The following CLYBL variants were observed in gnomAD, a reference collection of about 807,000 sequenced individuals.
The protein encoded by CLYBL is citramalyl-CoA lyase, mitochondrial.
Under a neutral mutation model 38.9 loss-of-function variants are expected in CLYBL, and 31 were observed. That is an observed-to-expected ratio of 0.80 (90% CI 0.60 to 1.08). The LOEUF is 1.08. CLYBL is among the 50% of genes least tolerant of loss of function. The pLI, the probability that CLYBL is intolerant of heterozygous loss-of-function variation, is 0.00. For missense variants in CLYBL, 434 were observed against 411.6 expected (o/e 1.05, Z -0.47); for synonymous variants, 171 against 158.6 (o/e 1.08, Z -0.59).
intron 2 of CLYBL, among the ~76,000 whole-genome samples, chr13:99,853,239 C>T (rs35492194): frequency 0.013 from 1,970 of 152,018 alleles, 69 homozygotes; most frequent in East Asian, 0.073. Context: ...TCAATTATAT[C>T]TCTGAAGGGC....
intron 1 of CLYBL, among the ~76,000 whole-genome samples, chr13:99,695,672 A>G (rs937991376): frequency 1.3e-5 from 2 of 152,010 alleles, no homozygotes; most frequent in Admixed American, 6.5e-5. Context: ...GGTACGCACC[A>G]CCACACCTGG....
intron 1 of CLYBL, among the ~76,000 whole-genome samples, chr13:99,769,509 G>A (rs1447866284): frequency 6.6e-6 from 1 of 152,214 alleles, no homozygotes; most frequent in Non-Finnish European, 1.5e-5. Context: ...AAATGTATAT[G>A]TTGCAAATTC....
chr13:99,770,538 G>C (rs562134988), intron 1 of CLYBL, among the ~76,000 whole-genome samples: 16 of 152,082 alleles, frequency 1.1e-4, no homozygotes, highest in African/African-American at 3.4e-4. Context: ...AGGATATTCT[G>C]GATCTCCTGA....
At chr13:99,788,877 G>C (rs2049856677) in intron 2 of CLYBL, among the ~76,000 whole-genome samples, 2 of 152,158 alleles carry the variant, frequency 1.3e-5, no homozygotes, top group South Asian at 4.1e-4. Context: ...CTCAATTTCA[G>C]AGCCTGTTAT....
chr13:99,684,762 G>T (rs1180365511), intron 1 of CLYBL, among the ~76,000 whole-genome samples: 1 of 152,136 alleles, frequency 6.6e-6, no homozygotes, highest in African/African-American at 2.4e-5. Context: ...ATGTTCCCAG[G>T]CCCATTTGTT....
At chr13:99,848,175 C>G (rs1038647031) in intron 2 of CLYBL, among the ~76,000 whole-genome samples, 14 of 152,270 alleles carry the variant, frequency 9.2e-5, no homozygotes, top group African/African-American at 2.9e-4. Flanking sequence ...CTCCCCTCCT[C>G]CAACCCCCTT....
chr13:99,741,333 C>T (rs762316628), intron 1 of CLYBL, among the ~76,000 whole-genome samples: 11 of 152,292 alleles, frequency 7.2e-5, no homozygotes, highest in Non-Finnish European at 1.5e-4. Context: ...TCCTCTGTCA[C>T]CCACTTCTTC....
rs540475492 is a variant in CLYBL at position 99,868,953 on chromosome 13, C to T, written c.803-1985C>T. On this transcript the variant is annotated intron_variant, in intron 6 of 8. Transcript: ENST00000339105. ...TTGATTTAAAGCACGATATATCAAG[C>T]GGTACTGTAAAAAGGATTTCATGGT... Among the ~76,000 whole-genome samples, 4 of 152,190 alleles carry T rather than the reference C, an allele frequency of 2.6e-5. No homozygotes were observed. The South Asian group carries it at 8.3e-4, about 32-fold the overall frequency.
intron 2 of CLYBL, among the ~76,000 whole-genome samples, chr13:99,814,042 C>G (rs1354940156): frequency 1.3e-5 from 2 of 152,202 alleles, no homozygotes; most frequent in African/African-American, 4.8e-5. Flanking sequence ...CAGCCTTACT[C>G]TGAGGGCTCT....
intron 2 of CLYBL, among the ~76,000 whole-genome samples, chr13:99,808,575 ATGAC>A (rs2050278059): frequency 1.3e-5 from 2 of 152,236 alleles, no homozygotes; most frequent in African/African-American, 4.8e-5. Flanking sequence ...GGACAAGAAA[ATGAC>A]TGTATTAAAT....
intron 1 of CLYBL, among the ~76,000 whole-genome samples, chr13:99,699,628 G>A (rs1229674972): frequency 6.6e-6 from 1 of 151,934 alleles, no homozygotes; most frequent in Non-Finnish European, 1.5e-5. Context: ...GGGAGGCGGA[G>A]GTTGCAGTGA....
chr13:99,778,709 A>G (rs1236851669), intron 2 of CLYBL, among the ~76,000 whole-genome samples: 2 of 152,162 alleles, frequency 1.3e-5, no homozygotes, highest in Admixed American at 6.6e-5. Flanking sequence ...TGTTAAATGC[A>G]TGAGGAGGTG....
At position 99,847,715 on chromosome 13, in the gene CLYBL, C is replaced by T. The variant is rs149056864; in HGVS notation, c.250-11146C>T. On this transcript the variant is annotated intron_variant, in intron 2 of 8. Transcript: ENST00000339105. Reference sequence around the variant, plus strand: ...GACAACATTGAGTAGCTTTGGGGCTCTGGACCCTCCTTCGAAGGAAGGAAC... The same window carrying T: ...GACAACATTGAGTAGCTTTGGGGCTTTGGACCCTCCTTCGAAGGAAGGAAC... 1.2e-3 allele frequency among the ~76,000 whole-genome samples: 182 copies of T among 152,356 alleles called. 1 individual carries two copies. Among genetic ancestry groups the T allele is most frequent in the African/African-American group, 3.7e-3 (152 of 41,588 alleles).
At chr13:99,897,266 G>A (rs1056987376), downstream of CLYBL, 1 of 152,224 alleles carries the variant, frequency 6.6e-6, no homozygotes, top group Non-Finnish European at 1.5e-5. Flanking sequence ...AGTGAGGCCA[G>A]GCCTTCTGTT....
At chr13:99,904,631 G>A (rs1414269092) in intron 8 of CLYBL, among the ~76,000 whole-genome samples, 1 of 151,804 alleles carries the variant, frequency 6.6e-6, no homozygotes, top group East Asian at 1.9e-4. Flanking sequence ...GAAATGTGTG[G>A]CCTCTAAAAT....
intron 2 of CLYBL, among the ~76,000 whole-genome samples, chr13:99,804,625 C>A (rs1406616777): frequency 6.6e-6 from 1 of 152,130 alleles, no homozygotes; most frequent in African/African-American, 2.4e-5. Context: ...GAAATGTTCC[C>A]TTTTCCCTCA....
At chr13:99,816,437 C>G (rs1023423582) in intron 2 of CLYBL, among the ~76,000 whole-genome samples, 2 of 152,238 alleles carry the variant, frequency 1.3e-5, no homozygotes, top group African/African-American at 4.8e-5. Context: ...GCTCTGAAAA[C>G]AAGCAAGTGT....
At position 99,727,011 on chromosome 13, in the gene CLYBL, TAGAC is replaced by T. The variant is rs547237018; in HGVS notation, c.63-45810_63-45807del. 2.7e-3 allele frequency among the ~76,000 whole-genome samples: 416 copies of T among 151,988 alleles called. 7 individuals are homozygous for T. The highest frequency in any genetic ancestry group is 9.7e-3 in the African/African-American group (400 of 41,450). On this transcript the variant is annotated intron_variant, in intron 1 of 8. Coordinates refer to ENST00000339105, the MANE Select transcript of CLYBL (RefSeq NM_206808.5). Reference sequence around the variant, plus strand: ...CCATCTCTACTCAAAGTTCAAAAATTAGACAGGCATGGTGTCACACGCCTGAAAT... The same window carrying T: ...CCATCTCTACTCAAAGTTCAAAAATTAGGCATGGTGTCACACGCCTGAAAT...
chr13:99,829,842 G>T (rs1266698105), intron 2 of CLYBL, among the ~76,000 whole-genome samples: 1 of 152,188 alleles, frequency 6.6e-6, no homozygotes, highest in African/African-American at 2.4e-5. Flanking sequence ...TCGCTTGAGT[G>T]TATAAGCTCC....
Sources: gnomAD v4.1 joint callset for allele counts (sites outside exome capture counted in the v4.1 genomes callset) on GRCh38, gnomAD v4.1.1 for gene constraint, MANE v1.5 for transcripts, NCBI Gene and HGNC (gene_info 2026-07-23, HGNC 2026-07-21) for gene names.